MARCHF3: variants seen among roughly 807,000 people sequenced by gnomAD.
MARCHF3 encodes the protein membrane associated ring-CH-type finger 3, also known as E3 ubiquitin-protein ligase MARCHF3.
MARCHF3 carries 13 observed loss-of-function variants against 24.2 expected under a neutral mutation model. The observed-to-expected ratio is 0.54, with a 90% CI of 0.35 to 0.85. The LOEUF (loss-of-function observed/expected upper bound fraction) is 0.85, where lower values mean the gene tolerates loss of function less well. Ranked by LOEUF, MARCHF3 falls within the 40% of genes least tolerant of loss-of-function variation. The pLI is 0.01. For missense variants in MARCHF3, 276 were observed against 325.0 expected (o/e 0.85, Z 1.16); for synonymous variants, 144 against 137.3 (o/e 1.05, Z -0.34).
rs370625400 is a variant in MARCHF3, at chr5:127,025,847, C to T, written c.-57+4503G>A. 2.1e-4 allele frequency among the ~76,000 whole-genome samples: 32 copies of T among 152,126 alleles called. 1 individual carries two copies. The South Asian group carries it at 5.2e-3, about 25-fold the overall frequency. ...GAAACTTCTGTAGCTCAATGACTGT[C>T]GTATATTAGAGGATATTACTAGACC... On this transcript the variant is annotated intron_variant, in intron 1 of 4. Transcript: ENST00000308660.
At chr5:126,947,572 G>A (rs2126813538) in intron 1 of MARCHF3, among the ~76,000 whole-genome samples, 1 of 152,230 alleles carries the variant, frequency 6.6e-6, no homozygotes, top group East Asian at 1.9e-4. Flanking sequence ...TTCATGAATT[G>A]CAACAGATGT....
Position 126,915,000 on chromosome 5 carries a change from G to A in MARCHF3, c.323C>T (p.Ser108Leu), listed in dbSNP as rs1486591267. The change falls in exon 3 of 5, where the codon TCA (serine) becomes TTA (leucine). Residue 108 changes from serine to leucine, a missense_variant. Physicochemically the swap from Ser to Leu is moderately radical, Grantham distance 145. Coordinates refer to ENST00000308660, the MANE Select transcript of MARCHF3 (RefSeq NM_178450.5). ...GCAGAGTTCACAGTAGCTGGTGTTT[G>A]AGGATGACAGCCAGTGCTCCAGGCA... ...RSCLEHWLSS[S>L]NTSYCELCHF... The A allele has an allele frequency of 3.1e-6, 5 of 1,614,094 alleles. No homozygotes were observed. The highest frequency in any genetic ancestry group is 1.3e-5 in the African/African-American group (1 of 74,942).
At chr5:126,930,842 T>C (rs1366108168) in intron 1 of MARCHF3, among the ~76,000 whole-genome samples, 1 of 152,242 alleles carries the variant, frequency 6.6e-6, no homozygotes, top group East Asian at 1.9e-4. Flanking sequence ...CCAGGGTCTT[T>C]CTTTTTTGTT....
chr5:126,898,043 G>A (rs1038677462), intron 3 of MARCHF3, among the ~76,000 whole-genome samples: 5 of 151,978 alleles, frequency 3.3e-5, no homozygotes, highest in African/African-American at 1.2e-4. Flanking sequence ...GCTGGGGGTG[G>A]GGGACAGAGA....
intron 3 of MARCHF3, among the ~76,000 whole-genome samples, chr5:126,904,088 T>C (rs1171429177): frequency 6.6e-6 from 1 of 150,758 alleles, no homozygotes; most frequent in African/African-American, 2.5e-5. Flanking sequence ...CTTGCGATAG[T>C]TTACTGAGAA....
intron 1 of MARCHF3, among the ~76,000 whole-genome samples, chr5:126,956,626 C>T (rs543548777): frequency 1.8e-5 from 2 of 109,064 alleles, no homozygotes; most frequent in East Asian, 5.5e-4. Context: ...GCCTGGGCAA[C>T]AGAGTGAGGC....
intron 1 of MARCHF3, among the ~76,000 whole-genome samples, chr5:126,981,654 G>C (rs1397337566): frequency 6.6e-6 from 1 of 152,210 alleles, no homozygotes; most frequent in Non-Finnish European, 1.5e-5. Flanking sequence ...AGTTTGAAGA[G>C]AGATTTATGC....
intron 3 of MARCHF3, among the ~76,000 whole-genome samples, chr5:126,911,888 A>G (rs545792548): frequency 6.6e-6 from 1 of 152,342 alleles, no homozygotes; most frequent in Non-Finnish European, 1.5e-5. Flanking sequence ...TTAAGTGTAG[A>G]ATACACATTT....
intron 1 of MARCHF3, among the ~76,000 whole-genome samples, chr5:127,022,777 T>C (rs1237149924): frequency 6.6e-6 from 1 of 152,242 alleles, no homozygotes; most frequent in Non-Finnish European, 1.5e-5. Context: ...TCATCTTCTA[T>C]GTGGGCTTAA....
At chr5:126,915,174 G>C in intron 2 of MARCHF3, 40 bp from the exon 3 acceptor site, 1 of 1,597,720 alleles carries the variant, frequency 6.3e-7, no homozygotes, top group Non-Finnish European at 8.5e-7. Flanking sequence ...CACTGGGCTG[G>C]AAACCTCCAC....
At chr5:127,028,588 G>C (rs566267526) in intron 1 of MARCHF3, among the ~76,000 whole-genome samples, 136 of 148,174 alleles carry the variant, frequency 9.2e-4, no homozygotes, top group Non-Finnish European at 1.7e-3. Context: ...GGTGCAAAAT[G>C]ATTCAGTTTT....
rs534941426 is a variant in MARCHF3, at chr5:126,999,686, G to A, written c.-57+30664C>T. ...AAAACATGCTATTTGTTACCAGATGGTCAACTCCTCTACCAATCAAATACA... is the reference window on the plus strand; with the variant it reads ...AAAACATGCTATTTGTTACCAGATGATCAACTCCTCTACCAATCAAATACA... On this transcript the variant is annotated intron_variant, in intron 1 of 4. Transcript: ENST00000308660. 2.0e-5 allele frequency among the ~76,000 whole-genome samples: 3 copies of A among 152,232 alleles called. No individual in the cohort carries two copies. The South Asian group carries it at 6.2e-4, about 32-fold the overall frequency.
intron 3 of MARCHF3, among the ~76,000 whole-genome samples, chr5:126,889,783 G>C (rs191826511): frequency 1.3e-5 from 2 of 152,298 alleles, no homozygotes; most frequent in East Asian, 1.9e-4. Flanking sequence ...GGCTCCACTT[G>C]AGGCAGCGGC....
intron 1 of MARCHF3, among the ~76,000 whole-genome samples, chr5:127,004,368 A>C (rs1445190288): frequency 6.6e-6 from 1 of 152,178 alleles, no homozygotes; most frequent in Non-Finnish European, 1.5e-5. Flanking sequence ...ACAGAGCCTG[A>C]TACTTGTAGA....
chr5:126,898,738 G>C (rs865817123), intron 3 of MARCHF3: 13 of 476,916 alleles, frequency 2.7e-5, no homozygotes, highest in South Asian at 9.3e-5. Context: ...CTACGTGCCA[G>C]CATTTCATAT....
intron 3 of MARCHF3, among the ~76,000 whole-genome samples, chr5:126,890,134 C>T (rs995161039): frequency 1.4e-4 from 21 of 152,146 alleles, no homozygotes; most frequent in Non-Finnish European, 2.2e-4. Context: ...GAAGACACCT[C>T]GCTGTGTTAT....
At chr5:126,923,433 A>G (rs1749191649) in intron 1 of MARCHF3, among the ~76,000 whole-genome samples, 1 of 152,178 alleles carries the variant, frequency 6.6e-6, no homozygotes, top group South Asian at 2.1e-4. Context: ...TAGAAAAATG[A>G]CTCAAAAGGT....
chr5:126,952,758 C>G (rs944892217), intron 1 of MARCHF3, among the ~76,000 whole-genome samples: 4 of 152,128 alleles, frequency 2.6e-5, no homozygotes, highest in Non-Finnish European at 5.9e-5. Context: ...GAAACTGGCC[C>G]TATTTCACTT....
At chr5:126,886,145 G>GA (rs1215321232) in intron 3 of MARCHF3, among the ~76,000 whole-genome samples, 1 of 152,040 alleles carries the variant, frequency 6.6e-6, no homozygotes, top group African/African-American at 2.4e-5. Flanking sequence ...TATTTGTACT[G>GA]AATTTGGAAC....
Sources: allele counts gnomAD v4.1 joint callset (sites outside exome capture counted in the v4.1 genomes callset), GRCh38; gene constraint gnomAD v4.1.1; transcripts MANE v1.5; gene names NCBI Gene and HGNC (gene_info 2026-07-23, HGNC 2026-07-21).